Variants in MOB1B observed in about 807,000 individuals in gnomAD.
MOB1B encodes the protein MOB1 Mps One Binder homolog B.
MOB1B carries 19 observed loss-of-function variants against 24.4 expected under a neutral mutation model. That is an observed-to-expected ratio of 0.78 (90% CI 0.54 to 1.14). MOB1B has a LOEUF of 1.14. Among genes scored for constraint, MOB1B ranks in the 50% most tolerant of loss-of-function variants. MOB1B has a pLI of 0.00. For missense variants in MOB1B, 243 were observed against 259.6 expected, an observed-to-expected ratio of 0.94 and a Z score of 0.44; for synonymous variants, 76 against 82.1, an observed-to-expected ratio of 0.93 and a Z score of 0.40.
intron 1 of MOB1B, 55 bp downstream of exon 1, chr4:70,902,605 GC>G: frequency 9.1e-7 from 1 of 1,093,980 alleles, no homozygotes; most frequent in Non-Finnish European, 1.2e-6. Flanking sequence ...CTGGGCCCCC[GC>G]CCGCCGCCCG....
rs200437173 is a variant in MOB1B at position 70,953,992 on chromosome 4, G to GT, written c.15-4878dup. Among the ~76,000 whole-genome samples, 1,139 of 152,014 alleles carry GT rather than the reference G, an allele frequency of 7.5e-3. 14 individuals carry two copies. The highest frequency in any genetic ancestry group is 0.027 in the African/African-American group (1,100 of 41,478). On this transcript the variant is annotated intron_variant, in intron 1 of 5. Coordinates refer to ENST00000309395, the MANE Select transcript of MOB1B (RefSeq NM_173468.4). ...GTTGCAAAATGGGGAGTAGAACCTT[G>GT]TTTTCCTGATTTCCAGTCTAACCCT...
rs780122778 is a variant in MOB1B, at chr4:70,976,094, G to T, written c.409+808G>T. On this transcript the variant is annotated intron_variant, in intron 4 of 5. Coordinates refer to ENST00000309395, the MANE Select transcript of MOB1B (RefSeq NM_173468.4). The stretch of plus-strand genomic sequence containing the variant: ...TTTTTGCATTTTTAGTAGAGACAGG[G>T]TTTCACCATGTTGGCCAGGCTGGTC... 7 of 451,062 alleles carry T rather than the reference G, an allele frequency of 1.6e-5. No homozygotes were observed. The Admixed American group carries it at 2.6e-4, about 17-fold the overall frequency. The allele number at this position is 451,062 out of a possible 1,614,324, so 27.9% of individuals were successfully genotyped here.
chr4:70,928,299 G>GTT (rs200503412), intron 1 of MOB1B, among the ~76,000 whole-genome samples: 19 of 135,300 alleles, frequency 1.4e-4, no homozygotes, highest in African/African-American at 1.9e-4. Context: ...CAAGAATTTT[G>GTT]TTTTTTTTTT....
chr4:70,988,094 TG>T lies in MOB1B; in HGVS notation c.*6038del, dbSNP rs1330761528. The T allele has an allele frequency of 5.1e-4, 77 of 151,500 alleles. No individual in the cohort carries two copies. The highest frequency in any genetic ancestry group is 1.1e-3 in the African/African-American group (45 of 40,906). The allele number at this position is 151,500 out of a possible 1,614,324, so 9.4% of individuals were successfully genotyped here. A position where few individuals can be genotyped will look rare whatever the true frequency, so the allele number is the denominator to read the frequency against. On this transcript the variant is annotated 3_prime_UTR_variant, in exon 6 of 6. Coordinates refer to ENST00000309395, the MANE Select transcript of MOB1B (RefSeq NM_173468.4). ...GGATGGGAAATATTTAAATTCTAGG[TG>T]TTTTTTTTTTTTTAAAGAAGAAACT...
chr4:70,982,244 C>T lies in MOB1B; in HGVS notation c.*187C>T, dbSNP rs1400172633. ...TTCTATTGCTAGGGGAAGCCAAGAA[C>T]CATTCTCTATACACTTGATAAGGGT... On this transcript the variant is annotated 3_prime_UTR_variant, in exon 6 of 6. Coordinates refer to ENST00000309395, the MANE Select transcript of MOB1B (RefSeq NM_173468.4). The T allele has an allele frequency of 4.0e-6, 2 of 501,496 alleles. No homozygotes were observed. Among genetic ancestry groups the T allele is most frequent in the East Asian group, 6.4e-5 (2 of 31,270 alleles). 31.1% of individuals were successfully genotyped at this position (501,496 alleles called of 1,614,324 possible).
chr4:70,901,982 G>A (rs1006910337), upstream of MOB1B, among the ~76,000 whole-genome samples: 1 of 152,094 alleles, frequency 6.6e-6, no homozygotes, highest in African/African-American at 2.4e-5. Context: ...CTCACGGTGG[G>A]CCTAACTCCG....
At chr4:70,932,591 T>C (rs565464250) in intron 1 of MOB1B, among the ~76,000 whole-genome samples, 2 of 152,326 alleles carry the variant, frequency 1.3e-5, no homozygotes, top group South Asian at 2.1e-4. Context: ...CTAGAGAGGC[T>C]GGGAAGTAAA....
At chr4:70,981,946 C>A in intron 5 of MOB1B, 34 bp from the exon 6 acceptor site, 1 of 1,333,796 alleles carries the variant, frequency 7.5e-7, no homozygotes, top group Non-Finnish European at 1.1e-6. Flanking sequence ...AATGTTTTTG[C>A]TATTTATTCT....
chr4:70,908,714 G>A (rs556250541), intron 1 of MOB1B, among the ~76,000 whole-genome samples: 2 of 149,802 alleles, frequency 1.3e-5, no homozygotes, highest in South Asian at 2.1e-4. Context: ...GGTGGAGGTT[G>A]CAGTGAGCCG....
intron 1 of MOB1B, chr4:70,950,596 A>C (rs936230752): frequency 3.9e-6 from 2 of 511,586 alleles, no homozygotes; most frequent in African/African-American, 3.8e-5. Context: ...TGTATATCAG[A>C]GTTACTAGGA....
At chr4:70,910,107 C>G (rs1047763287) in intron 1 of MOB1B, among the ~76,000 whole-genome samples, 12 of 151,698 alleles carry the variant, frequency 7.9e-5, no homozygotes, top group Non-Finnish European at 1.5e-4. Context: ...GTGGCGCTAT[C>G]TTGGCTCACT....
At chr4:70,970,931 A>T (rs1343383113) in intron 3 of MOB1B, among the ~76,000 whole-genome samples, 2 of 152,228 alleles carry the variant, frequency 1.3e-5, no homozygotes, top group Admixed American at 1.3e-4. Flanking sequence ...ACTTCTTTCT[A>T]GCCCATGGAG....
rs144398833 is a variant in MOB1B at position 70,959,001 on chromosome 4, C to T, written c.142C>T (p.Pro48Ser). Reference sequence around the variant, plus strand: ...CAACCTTCGGATGGCTGTCATGCTTCCTGAAGGGGAAGATCTCAATGAATG... The same window carrying T: ...CAACCTTCGGATGGCTGTCATGCTTTCTGAAGGGGAAGATCTCAATGAATG... ...SGNLRMAVML[P>S]EGEDLNEWVA... Residue 48 changes from proline (P) to serine (S), a missense_variant, in exon 2 of 6, where the codon CCT (proline) becomes TCT (serine). By Grantham distance (74) the Pro-to-Ser change is moderately conservative. Coordinates refer to ENST00000309395, the MANE Select transcript of MOB1B (RefSeq NM_173468.4). 22 of 1,613,954 alleles carry T rather than the reference C, an allele frequency of 1.4e-5. No individual in the cohort carries two copies. Among genetic ancestry groups the T allele is most frequent in the Non-Finnish European group, 1.7e-5 (20 of 1,180,010 alleles).
At position 70,902,433 on chromosome 4, in the gene MOB1B, C is replaced by CCTA; in HGVS notation, c.-103_-102insTAC. On this transcript the variant is annotated 5_prime_UTR_variant, in exon 1 of 6. Coordinates refer to ENST00000309395, the MANE Select transcript of MOB1B (RefSeq NM_173468.4). ...CAGCCGGCTCTCGGCACCTCCTCCT[C>CCTA]CGCCTCCCTGTCTCCTGTTCCATTC... is the stretch of plus-strand genomic sequence containing the variant. The CCTA allele has an allele frequency of 7.7e-7, 1 of 1,303,810 alleles. No homozygotes were observed. The highest frequency in any genetic ancestry group is 1.3e-5 in the South Asian group (1 of 79,310). 80.8% of individuals were successfully genotyped at this position (1,303,810 alleles called of 1,614,324 possible).
At position 70,976,721 on chromosome 4, in the gene MOB1B, T is replaced by A. The variant is rs572519057; in HGVS notation, c.409+1435T>A. On this transcript the variant is annotated intron_variant, in intron 4 of 5. Coordinates refer to ENST00000309395, the MANE Select transcript of MOB1B (RefSeq NM_173468.4). ...ATGCATTAACCACTTGGAACTTTTT[T>A]AATAAAAGAGCAATTTTTCAAGACT... is the stretch of plus-strand genomic sequence containing the variant. 23 of 813,628 alleles carry A rather than the reference T, an allele frequency of 2.8e-5. No homozygotes were observed. In the East Asian group the frequency reaches 1.7e-3, roughly 62 times the overall value. The allele number at this position is 813,628 out of a possible 1,614,324, so 50.4% of individuals were successfully genotyped here. A position where few individuals can be genotyped will look rare whatever the true frequency, so the allele number is the denominator to read the frequency against.
intron 1 of MOB1B, among the ~76,000 whole-genome samples, chr4:70,941,130 G>C (rs1180824774): frequency 6.7e-6 from 1 of 149,196 alleles, no homozygotes; most frequent in Non-Finnish European, 1.5e-5. Context: ...TTTGTATCTG[G>C]CTATCATATC....
chr4:70,923,841 T>C (rs1736539263), intron 1 of MOB1B, among the ~76,000 whole-genome samples: 1 of 149,810 alleles, frequency 6.7e-6, no homozygotes, highest in South Asian at 2.1e-4. Context: ...TCCCACCTAC[T>C]CAGGCTGAGG....
chr4:70,933,793 G>A (rs559165429), intron 1 of MOB1B, among the ~76,000 whole-genome samples: 4 of 151,912 alleles, frequency 2.6e-5, no homozygotes, highest in South Asian at 2.1e-4. Context: ...CTTATGATCC[G>A]TCCACCTTGG....
intron 1 of MOB1B, among the ~76,000 whole-genome samples, chr4:70,904,027 C>G (rs543412184): frequency 6.7e-5 from 8 of 119,538 alleles, no homozygotes; most frequent in Non-Finnish European, 1.3e-4. Flanking sequence ...TGTCACCAGG[C>G]TGGAGTGTGT....
Sources: gnomAD v4.1 joint callset for allele counts (sites outside exome capture counted in the v4.1 genomes callset) on GRCh38, gnomAD v4.1.1 for gene constraint, MANE v1.5 for transcripts, NCBI Gene and HGNC (gene_info 2026-07-23, HGNC 2026-07-21) for gene names.